The following SLC25A38 variants were observed in gnomAD, a reference collection of about 807,000 sequenced individuals.
The protein encoded by SLC25A38 is solute carrier family 25 member 38, also known as mitochondrial glycine transporter.
A neutral mutation model predicts 33.4 loss-of-function variants in SLC25A38; 27 were observed. That is an observed-to-expected ratio of 0.81 (90% CI 0.60 to 1.11). SLC25A38 has a LOEUF of 1.11. Ranked by LOEUF, SLC25A38 falls within the 50% of genes most tolerant of loss-of-function variation. SLC25A38 has a pLI of 0.00. For missense variants in SLC25A38, 344 were observed against 388.8 expected (o/e 0.88, Z 0.97); for synonymous variants, 123 against 145.9 (o/e 0.84, Z 1.13).
intron 3 of SLC25A38, 78 bp downstream of exon 3, chr3:39,390,585 C>T (rs895336986): frequency 1.4e-6 from 2 of 1,428,188 alleles, no homozygotes; most frequent in African/African-American, 1.4e-5. Flanking sequence ...CTTACCAGCT[C>T]TTAAGGATAT....
chr3:39,388,018 C>T (rs144082311), intron 1 of SLC25A38, among the ~76,000 whole-genome samples: 31 of 152,120 alleles, frequency 2.0e-4, no homozygotes, highest in African/African-American at 7.2e-4. Context: ...GATGGTGTAG[C>T]GTCAGGCTGG....
At chr3:39,384,803 C>CTTTTT in intron 1 of SLC25A38, 1 of 350,864 alleles carries the variant, frequency 2.9e-6, no homozygotes, top group Non-Finnish European at 5.0e-6. Flanking sequence ...TTTCTTTTTT[C>CTTTTT]TTTTTTTTTT....
At chr3:39,394,335 G>A in intron 5 of SLC25A38, 75 bp from the exon 6 acceptor site, 1 of 1,582,788 alleles carries the variant, frequency 6.3e-7, no homozygotes, top group Non-Finnish European at 8.7e-7. Flanking sequence ...GGGAAGAATT[G>A]GTGGGCAACT....
intron 6 of SLC25A38, 139 bp from the exon 7 acceptor site, chr3:39,396,259 A>T (rs1378014397): frequency 2.8e-6 from 4 of 1,405,598 alleles, no homozygotes; most frequent in Non-Finnish European, 4.0e-6. Flanking sequence ...CCTTGGACCC[A>T]TTATTCTTAC....
At position 39,394,439 on chromosome 3, in the gene SLC25A38, A is replaced by G. The variant is rs753815164; in HGVS notation, c.655A>G (p.Thr219Ala). Residue 219 changes from threonine to alanine, a missense_variant, in exon 6 of 7, where the codon ACA (threonine) becomes GCA (alanine). Around this residue, in one of 2 missense-constraint regions of SLC25A38, gnomAD observed 75 missense variants for 117.0 expected, o/e 0.64. Coordinates refer to ENST00000650617, the MANE Select transcript of SLC25A38 (RefSeq NM_017875.4). ...GGTGGATGCAACCCTTATTCCTATT[A>G]CAAATTTCAGCTGTGGGATATTTGC... The part of the protein sequence containing the change: ...DQVDATLIPI[T>A]NFSCGIFAGI... 6 of 1,613,322 alleles carry G rather than the reference A, an allele frequency of 3.7e-6. No individual in the cohort carries two copies. In the Admixed American group the frequency reaches 1.0e-4, roughly 27 times the overall value.
intron 5 of SLC25A38, 73 bp from the exon 6 acceptor site, chr3:39,394,337 T>C: frequency 6.3e-7 from 1 of 1,591,104 alleles, no homozygotes; most frequent in South Asian, 1.1e-5. Context: ...GAAGAATTGG[T>C]GGGCAACTTG....
At chr3:39,394,962 G>GA (rs34805179) in intron 6 of SLC25A38, among the ~76,000 whole-genome samples, 40,027 of 147,816 alleles carry the variant, frequency 0.27, 5,817 homozygotes, top group Non-Finnish European at 0.32. Flanking sequence ...TAGTCAGAGG[G>GA]AAAAAAAAAA....
At chr3:39,393,112 T>C (rs4676639) in intron 5 of SLC25A38, among the ~76,000 whole-genome samples, 136,435 of 152,150 alleles carry the variant, frequency 0.9, 62,745 homozygotes, top group Non-Finnish European at 1. Flanking sequence ...TGGTGAAACC[T>C]GGTCTTTACT....
In SLC25A38 at chr3:39,383,464, A is replaced by AGAGCC. The variant is rs2041669780; in HGVS notation, c.-259_-255dup. The AGAGCC allele has an allele frequency of 1.9e-6, 1 of 533,562 alleles. No homozygotes were observed. The highest frequency in any genetic ancestry group is 3.4e-6 in the Non-Finnish European group (1 of 295,250). 33.1% of individuals were successfully genotyped at this position (533,562 alleles called of 1,614,324 possible). A position where few individuals can be genotyped will look rare whatever the true frequency, so the allele number is the denominator to read the frequency against. On this transcript the variant is annotated 5_prime_UTR_variant, in exon 1 of 7. The change abolishes the stop of an existing upstream ORF in the 5' untranslated region. Transcript: ENST00000650617. ...AGCAGGGCAGGATGGGCAGGAGAGCAGAGCCGCGGAGTCTGCGGCGCGGGT... is the reference window on the plus strand; with the variant it reads ...AGCAGGGCAGGATGGGCAGGAGAGCAGAGCCGAGCCGCGGAGTCTGCGGCGCGGGT...
chr3:39,386,955 TGA>T (rs2041714244), intron 1 of SLC25A38, among the ~76,000 whole-genome samples: 1 of 151,902 alleles, frequency 6.6e-6, no homozygotes, highest in South Asian at 2.1e-4. Flanking sequence ...AGCGAGAGGC[TGA>T]GAGTGTGGAG....
In SLC25A38 at chr3:39,389,553, T is replaced by C; in HGVS notation, c.128T>C (p.Leu43Pro). 5 of 1,614,144 alleles carry C rather than the reference T, an allele frequency of 3.1e-6. No homozygotes were observed. Among genetic ancestry groups the C allele is most frequent in the Non-Finnish European group, 4.2e-6 (5 of 1,180,024 alleles). ...TCCATCAGTGGGACCTGCTCTACCC[T>C]CCTTTTCCAACCTCTGGATCTCCTT... The part of the protein sequence containing the change: ...CGSISGTCST[L>P]LFQPLDLLKT... Residue 43 changes from leucine (L) to proline (P), a missense_variant, in exon 2 of 7, where the codon CTC becomes CCC. Leu to Pro is a moderately conservative substitution (Grantham distance 98). This residue lies in a region of SLC25A38 where 269 missense variants were observed against 271.8 expected (regional missense o/e 0.99). Transcript: ENST00000650617. The surrounding 1 kb of genome is among the most constrained non-coding windows in gnomAD (Gnocchi z 4.5).
Position 39,391,551 on chromosome 3 carries a change from G to T in SLC25A38, c.387G>T (p.Leu129=). The part of the protein sequence containing the change: ...HPPTALESVM[L]GVGSRSVAGV... ...CAACCGCCCTGGAGTCAGTCATGCT[G>T]GGGGTGGGCTCTCGCTCTGTTGCAG... Residue 129 remains leucine (L), a synonymous_variant, in exon 4 of 7, where the codon CTG becomes CTT. Transcript: ENST00000650617. 2 of 1,614,208 alleles carry T rather than the reference G, an allele frequency of 1.2e-6. No individual in the cohort carries two copies. Among genetic ancestry groups the T allele is most frequent in the South Asian group, 2.2e-5 (2 of 91,082 alleles).
At chr3:39,386,915 TGA>T (rs2041713815) in intron 1 of SLC25A38, among the ~76,000 whole-genome samples, 1 of 152,158 alleles carries the variant, frequency 6.6e-6, no homozygotes, top group Middle Eastern at 3.2e-3. Flanking sequence ...GGTGGCCATC[TGA>T]GTACGTGGCT....
intron 1 of SLC25A38, 122 bp downstream of exon 1, chr3:39,383,915 G>T (rs2041676981): frequency 1.8e-6 from 2 of 1,104,472 alleles, no homozygotes; most frequent in South Asian, 2.7e-5. Context: ...CAGGATTTAG[G>T]ATGCGGCGGG....
At chr3:39,387,982 G>A (rs140225843) in intron 1 of SLC25A38, 11 of 152,752 alleles carry the variant, frequency 7.2e-5, no homozygotes, top group South Asian at 2.1e-4. Flanking sequence ...GGGGGCCTGC[G>A]GAGGGACTGG....
intron 6 of SLC25A38, among the ~76,000 whole-genome samples, chr3:39,395,224 G>A (rs2041813814): frequency 2.0e-5 from 3 of 152,172 alleles, no homozygotes; most frequent in South Asian, 4.1e-4. Context: ...TGCGGGCTGT[G>A]GGTTGAACAA....
At position 39,383,636 on chromosome 3, in the gene SLC25A38, C is replaced by A. The variant is rs1380412476; in HGVS notation, c.-89C>A. The stretch of plus-strand genomic sequence containing the variant: ...AAGCGCGTCGCCTGGCTAGCGCCAC[C>A]CCCTAGCCTTCTTCAAGGCCTCCAG... On this transcript the variant is annotated 5_prime_UTR_variant, in exon 1 of 7. Transcript: ENST00000650617. 1.4e-6 allele frequency: 2 copies of A among 1,478,396 alleles called. No individual in the cohort carries two copies. Among genetic ancestry groups the A allele is most frequent in the African/African-American group, 1.4e-5 (1 of 72,086 alleles). The allele number at this position is 1,478,396 out of a possible 1,614,324, so 91.6% of individuals were successfully genotyped here.
chr3:39,394,945 T>A (rs1006471312), intron 6 of SLC25A38, among the ~76,000 whole-genome samples: 2 of 149,348 alleles, frequency 1.3e-5, no homozygotes, highest in Middle Eastern at 3.4e-3. Context: ...TAGGGTAAAG[T>A]ACTATTTAGT....
Position 39,389,663 on chromosome 3 carries a change from A to G in SLC25A38, c.191+47A>G, listed in dbSNP as rs377197543. Reference sequence around the variant, plus strand: ...GGAACTGATTTCAGCAACTTCTCAGACACAGGAACATCTTTACTGTGTTAA... The same window carrying G: ...GGAACTGATTTCAGCAACTTCTCAGGCACAGGAACATCTTTACTGTGTTAA... On this transcript the variant is annotated intron_variant, in intron 2 of 6. Transcript: ENST00000650617. This position sits in a 1 kb window ranked among gnomAD's most constrained non-coding sequence, Gnocchi z 4.5. 33 of 1,613,910 alleles carry G rather than the reference A, an allele frequency of 2.0e-5. No homozygotes were observed. Among genetic ancestry groups the G allele is most frequent in the Non-Finnish European group, 2.5e-5 (29 of 1,179,948 alleles).
Sources: allele counts gnomAD v4.1 joint callset (sites outside exome capture counted in the v4.1 genomes callset), GRCh38; gene constraint gnomAD v4.1.1; regional missense constraint gnomAD v4.1.1; non-coding constraint Gnocchi (gnomAD v3.1); transcripts MANE v1.5; gene names NCBI Gene and HGNC (gene_info 2026-07-23, HGNC 2026-07-21).